The following TNRC18 variants were observed in gnomAD, a reference collection of about 807,000 sequenced individuals.
TNRC18 encodes trinucleotide repeat containing 18, also known as trinucleotide repeat-containing gene 18 protein.
Under a neutral mutation model 226.7 loss-of-function variants are expected in TNRC18, and 69 were observed. The observed-to-expected ratio is 0.30, with a 90% CI of 0.25 to 0.37. The LOEUF is 0.37. Among genes scored for constraint, TNRC18 ranks in the 10% least tolerant of loss-of-function variants. TNRC18 has a pLI of 1.00. For missense variants in TNRC18, 4,754 were observed against 4,256.6 expected (o/e 1.12, Z -3.25); for synonymous variants, 2,449 against 1,927.6 (o/e 1.27, Z -7.09).
At chr7:5,331,403 G>A (rs1253898236) in intron 19 of TNRC18, among the ~76,000 whole-genome samples, 3 of 152,040 alleles carry the variant, frequency 2.0e-5, no homozygotes, top group African/African-American at 7.2e-5. Flanking sequence ...AGAGAATTTA[G>A]GAAATCTGTA....
At chr7:5,323,838 GA>G (rs1345652613) in intron 21 of TNRC18, among the ~76,000 whole-genome samples, 19 of 152,134 alleles carry the variant, frequency 1.2e-4, no homozygotes. Flanking sequence ...AAAGTGCTGG[GA>G]TTACAGGCAT....
intron 21 of TNRC18, among the ~76,000 whole-genome samples, chr7:5,323,416 C>T (rs1395053611): frequency 6.6e-6 from 1 of 151,138 alleles, no homozygotes; most frequent in East Asian, 2.0e-4. Flanking sequence ...TCCACACTCC[C>T]TCCTAATGTG....
intron 17 of TNRC18, among the ~76,000 whole-genome samples, chr7:5,349,193 C>T (rs1225473223): frequency 3.3e-5 from 5 of 152,206 alleles, no homozygotes; most frequent in Admixed American, 3.3e-4. Flanking sequence ...GAGACCCTCC[C>T]GCCTCCCTGC....
intron 2 of TNRC18, among the ~76,000 whole-genome samples, chr7:5,415,291 G>T (rs1232389869): frequency 6.6e-6 from 1 of 151,554 alleles, no homozygotes; most frequent in Non-Finnish European, 1.5e-5. Context: ...GTGGGGGTGG[G>T]CTGTGCTGAT....
Position 5,320,371 on chromosome 7 carries a change from GC to G in TNRC18, c.6691del (p.Ala2231GlnfsTer29). ...TRFLPQGTRI[A>X]AYWSQQYRCL... ...GCGGTACTGCTGGCTCCAGTAGGCT[GC>G]AATCCTGGTCCCTTGTGGCAAGAAG... On this transcript the variant is annotated frameshift_variant, in exon 24 of 30. Coordinates refer to ENST00000430969, the MANE Select transcript of TNRC18 (RefSeq NM_001080495.3). LOFTEE classifies it high-confidence loss of function. 1 of 1,561,110 alleles carries G rather than the reference GC, an allele frequency of 6.4e-7. No individual in the cohort carries two copies. The highest frequency in any genetic ancestry group is 8.7e-7 in the Non-Finnish European group (1 of 1,152,474).
Position 5,345,788 on chromosome 7 carries a change from G to C in TNRC18, c.5493C>G (p.Asp1831Glu), listed in dbSNP as rs1195137453. The change falls in exon 18 of 30, where the codon GAC becomes GAG. Residue 1831 changes from aspartate to glutamate, a missense_variant. By Grantham distance (45) the Asp-to-Glu change is conservative. Coordinates refer to ENST00000430969, the MANE Select transcript of TNRC18 (RefSeq NM_001080495.3). ...CCTCCTCCTCGAGCTCCTCCTCCTC[G>C]TCCTCCTCCTCCGAGCTCTCATCTG... is the stretch of plus-strand genomic sequence containing the variant. Reference protein sequence around the residue: ...FDQDESSEEEDEEEELEEEDE... With the variant: ...FDQDESSEEEEEEEELEEEDE... 1.2e-5 allele frequency: 19 copies of C among 1,544,910 alleles called. No homozygotes were observed. The highest frequency in any genetic ancestry group is 1.7e-4 in the Middle Eastern group (1 of 6,008).
At chr7:5,354,420 G>A (rs1792134768) in intron 16 of TNRC18, among the ~76,000 whole-genome samples, 1 of 151,926 alleles carries the variant, frequency 6.6e-6, no homozygotes, top group Non-Finnish European at 1.5e-5. Context: ...TCCCTCAGAA[G>A]ATCAAAAGAA....
chr7:5,320,409 T>G lies in TNRC18; in HGVS notation c.6654A>C (p.Pro2218=). Residue 2218 remains proline, a synonymous_variant, in exon 24 of 30, where the codon CCA becomes CCC. Coordinates refer to ENST00000430969, the MANE Select transcript of TNRC18 (RefSeq NM_001080495.3). The part of the protein sequence containing the change: ...LLQEAIIDVR[P]ASTRFLPQGT... ...CTTGTGGCAAGAAGCGAGTGGAGGC[T>G]GGCCTCACATCGATGATCTAGAAGG... 6.4e-7 allele frequency: 1 copy of G among 1,562,084 alleles called. No homozygotes were observed. The highest frequency in any genetic ancestry group is 8.7e-7 in the Non-Finnish European group (1 of 1,153,056).
chr7:5,401,740 C>A (rs909241808), intron 2 of TNRC18, among the ~76,000 whole-genome samples: 5 of 152,186 alleles, frequency 3.3e-5, no homozygotes, highest in African/African-American at 9.6e-5. Flanking sequence ...AGGTATGCTA[C>A]GAGTTATTTT....
chr7:5,361,267 TC>T (rs1392241022), intron 14 of TNRC18, among the ~76,000 whole-genome samples: 19 of 151,964 alleles, frequency 1.3e-4, no homozygotes, highest in Non-Finnish European at 2.4e-4. Flanking sequence ...GCCCAGCGGG[TC>T]CTTCCGCAGG....
intron 5 of TNRC18, among the ~76,000 whole-genome samples, chr7:5,384,349 C>T (rs937465415): frequency 6.6e-6 from 1 of 152,232 alleles, no homozygotes; most frequent in Non-Finnish European, 1.5e-5. Context: ...GATCCTCCTA[C>T]GTTGGCCTTC....
At chr7:5,391,262 C>A (rs752489043) in intron 3 of TNRC18, among the ~76,000 whole-genome samples, 4 of 152,122 alleles carry the variant, frequency 2.6e-5, no homozygotes. Flanking sequence ...AGGCCACCCC[C>A]TCACCAGCAA....
intron 2 of TNRC18, among the ~76,000 whole-genome samples, chr7:5,403,831 G>A (rs1455739162): frequency 6.6e-6 from 1 of 151,232 alleles, no homozygotes; most frequent in African/African-American, 2.4e-5. Context: ...AATGTCAACA[G>A]ACTATCAGAG....
At chr7:5,328,354 C>A (rs1041097165) in intron 19 of TNRC18, among the ~76,000 whole-genome samples, 1 of 152,072 alleles carries the variant, frequency 6.6e-6, no homozygotes, top group Non-Finnish European at 1.5e-5. Context: ...GAGACCCCAC[C>A]CCATCTGCAC....
At chr7:5,401,037 A>C (rs946754621) in intron 2 of TNRC18, among the ~76,000 whole-genome samples, 1 of 152,048 alleles carries the variant, frequency 6.6e-6, no homozygotes, top group Non-Finnish European at 1.5e-5. Context: ...TGTCTCAAAA[A>C]AAATTTATTA....
At position 5,356,907 on chromosome 7, in the gene TNRC18, G is replaced by C. The variant is rs775042250; in HGVS notation, c.5194+9C>G. The C allele has an allele frequency of 6.5e-7, 1 of 1,531,368 alleles. No homozygotes were observed. The highest frequency in any genetic ancestry group is 8.8e-7 in the Non-Finnish European group (1 of 1,136,630). 94.9% of individuals were successfully genotyped at this position (1,531,368 alleles called of 1,614,324 possible). ...GCGGACCAGAGGTGGCGCGGCATAC[G>C]CTACTTACTGTAAGAGTAGCTGCTC... On this transcript the variant is annotated intron_variant, in intron 16 of 29. Transcript: ENST00000430969.
chr7:5,422,747 C>T (rs914482586), intron 1 of TNRC18: 2 of 152,268 alleles, frequency 1.3e-5, no homozygotes, highest in Non-Finnish European at 2.9e-5. Context: ...CCTATTTTAA[C>T]CCGGTTTTGG....
intron 2 of TNRC18, among the ~76,000 whole-genome samples, chr7:5,410,717 TTA>T (rs1781783375): frequency 6.7e-6 from 1 of 148,340 alleles, no homozygotes; most frequent in Non-Finnish European, 1.5e-5. Flanking sequence ...AATACAAAAA[TTA>T]GTCGGGTGTG....
At chr7:5,371,931 CTT>C (rs1423956273) in intron 10 of TNRC18, among the ~76,000 whole-genome samples, 4 of 152,196 alleles carry the variant, frequency 2.6e-5, no homozygotes, top group African/African-American at 7.2e-5. Context: ...GAACTTCACT[CTT>C]GTTGCCCAGG....
Sources: gnomAD v4.1 joint callset for allele counts (sites outside exome capture counted in the v4.1 genomes callset) on GRCh38, gnomAD v4.1.1 for gene constraint, MANE v1.5 for transcripts, NCBI Gene and HGNC (gene_info 2026-07-23, HGNC 2026-07-21) for gene names.